The following AUH variants were observed in gnomAD, a reference collection of about 807,000 sequenced individuals.
The protein encoded by AUH is AU RNA binding methylglutaconyl-CoA hydratase, also known as methylglutaconyl-CoA hydratase, mitochondrial.
In AUH, 29 loss-of-function variants were observed where a neutral mutation model predicts 42.3. The observed-to-expected ratio is 0.69, with a 90% CI of 0.51 to 0.93. The LOEUF (loss-of-function observed/expected upper bound fraction) is 0.93. AUH is among the 40% of genes least tolerant of loss of function. The pLI is 0.00. For missense variants in AUH, 452 were observed against 438.1 expected (o/e 1.03, Z -0.28); for synonymous variants, 174 against 166.4 (o/e 1.05, Z -0.35).
chr9:91,248,831 GCAGTTTCCAAGAACCAATGATGATGTTA>G (rs1828945264), intron 6 of AUH, among the ~76,000 whole-genome samples: 1 of 152,146 alleles, frequency 6.6e-6, no homozygotes, highest in Non-Finnish European at 1.5e-5. Context: ...GTTTAAAGTT[GCAGTTTCCAAGAACCAATGATGATGTTA>G]AGCGAGGACT....
chr9:91,265,085 A>G (rs1313880443), intron 6 of AUH, among the ~76,000 whole-genome samples: 1 of 152,078 alleles, frequency 6.6e-6, no homozygotes, highest in Non-Finnish European at 1.5e-5. Context: ...ACACACCCAC[A>G]GTGACTCTTT....
chr9:91,315,175 G>A (rs950112406), intron 4 of AUH, among the ~76,000 whole-genome samples: 4 of 152,120 alleles, frequency 2.6e-5, no homozygotes, highest in African/African-American at 9.7e-5. Flanking sequence ...CTGACCTCAG[G>A]TGATCTGCCC....
chr9:91,230,842 G>A (rs929345536), intron 6 of AUH, among the ~76,000 whole-genome samples: 4 of 152,208 alleles, frequency 2.6e-5, no homozygotes, highest in Non-Finnish European at 4.4e-5. Context: ...CCCTGCTGGA[G>A]GGTGCCTCCC....
intron 5 of AUH, among the ~76,000 whole-genome samples, chr9:91,297,475 A>T (rs548495772): frequency 7.2e-5 from 11 of 152,366 alleles, no homozygotes; most frequent in African/African-American, 2.4e-4. Flanking sequence ...ATTAACATCC[A>T]CAGATTAATT....
In AUH at chr9:91,328,301, C is replaced by T. The variant is rs7048682; in HGVS notation, c.419-2897G>A. ...TAATACTGACATCTTAAAAAAAACT[C>T]ACATAGACTTCCACTGTTAGCTATG... is the stretch of plus-strand genomic sequence containing the variant. On this transcript the variant is annotated intron_variant, in intron 3 of 9. Transcript: ENST00000375731. 4.4e-3 allele frequency among the ~76,000 whole-genome samples: 670 copies of T among 152,286 alleles called. 3 individuals are homozygous for T. The highest frequency in any genetic ancestry group is 0.015 in the African/African-American group (631 of 41,556).
intron 6 of AUH, among the ~76,000 whole-genome samples, chr9:91,271,507 CA>C (rs1442552543): frequency 1.3e-5 from 2 of 152,116 alleles, no homozygotes; most frequent in African/African-American, 4.8e-5. Flanking sequence ...TTAATATTCA[CA>C]GTGACAAAAA....
intron 4 of AUH, among the ~76,000 whole-genome samples, chr9:91,312,947 A>C (rs767517446): frequency 6.6e-6 from 1 of 152,214 alleles, no homozygotes; most frequent in Non-Finnish European, 1.5e-5. Flanking sequence ...TCCATTCTAC[A>C]AAATAGAATA....
At chr9:91,250,211 C>T (rs558140361) in intron 6 of AUH, among the ~76,000 whole-genome samples, 56 of 152,278 alleles carry the variant, frequency 3.7e-4, no homozygotes, top group Non-Finnish European at 7.2e-4. Flanking sequence ...CAGCACATGG[C>T]AGCCCTCCCA....
At chr9:91,225,303 G>A (rs923441353) in intron 6 of AUH, among the ~76,000 whole-genome samples, 5 of 152,200 alleles carry the variant, frequency 3.3e-5, no homozygotes, top group African/African-American at 1.2e-4. Context: ...CCTGGCATCA[G>A]ACTGTAAGCT....
intron 3 of AUH, among the ~76,000 whole-genome samples, chr9:91,347,738 A>G (rs946573630): frequency 1.3e-5 from 2 of 152,166 alleles, no homozygotes; most frequent in African/African-American, 4.8e-5. Flanking sequence ...AAAAACTACA[A>G]AAGTATTAGA....
intron 3 of AUH, among the ~76,000 whole-genome samples, chr9:91,344,280 A>G (rs904379801): frequency 1.3e-5 from 2 of 152,226 alleles, no homozygotes; most frequent in African/African-American, 2.4e-5. Flanking sequence ...CCAATTGCCA[A>G]TCAGAACATC....
intron 6 of AUH, among the ~76,000 whole-genome samples, chr9:91,227,235 C>A (rs1215687220): frequency 6.7e-6 from 1 of 149,148 alleles, no homozygotes; most frequent in African/African-American, 2.4e-5. Flanking sequence ...CCTTGAGCAG[C>A]GGTTTGTAGT....
chr9:91,228,478 AT>A (rs1423035612), intron 6 of AUH, among the ~76,000 whole-genome samples: 1 of 147,340 alleles, frequency 6.8e-6, no homozygotes. Flanking sequence ...CGGTCTATCA[AT>A]TTTGTTGATC....
intron 6 of AUH, among the ~76,000 whole-genome samples, chr9:91,240,223 T>G (rs1828429862): frequency 6.6e-6 from 1 of 152,226 alleles, no homozygotes; most frequent in Non-Finnish European, 1.5e-5. Flanking sequence ...ATCTTTTATT[T>G]AAAGACTGCC....
intron 3 of AUH, among the ~76,000 whole-genome samples, chr9:91,353,572 G>A (rs1832159440): frequency 6.6e-6 from 1 of 151,902 alleles, no homozygotes; most frequent in Non-Finnish European, 1.5e-5. Context: ...TATTTCATAT[G>A]TACATGTTAA....
rs775229436 is a variant in AUH at position 91,313,711 on chromosome 9, C to CAA, written c.505+11605_505+11606dup. Among the ~76,000 whole-genome samples, 301 of 68,476 alleles carry CAA rather than the reference C, an allele frequency of 4.4e-3. 9 individuals are homozygous for CAA. Among genetic ancestry groups the CAA allele is most frequent in the Middle Eastern group, 0.016 (2 of 122 alleles). 44.9% of individuals were successfully genotyped at this position (68,476 alleles called of 152,430 possible). A position where few individuals can be genotyped will look rare whatever the true frequency, so the allele number is the denominator to read the frequency against. Reference sequence around the variant, plus strand: ...TGGGCGACAAAGCGAGACTCCGTCTCAAAAAAAAAAAAAAAAAAAAGAAAA... The same window carrying CAA: ...TGGGCGACAAAGCGAGACTCCGTCTCAAAAAAAAAAAAAAAAAAAAAAGAAAA... On this transcript the variant is annotated intron_variant, in intron 4 of 9. Transcript: ENST00000375731.
chr9:91,313,861 C>T (rs1828926604), intron 4 of AUH, among the ~76,000 whole-genome samples: 1 of 142,466 alleles, frequency 7.0e-6, no homozygotes, highest in Admixed American at 7.1e-5. Flanking sequence ...TCACTCTTGT[C>T]GCCCAGGCTG....
rs371967608 is a variant in AUH at position 91,218,926 on chromosome 9, C to G, written c.844-1599G>C. On this transcript the variant is annotated intron_variant, in intron 7 of 9. Transcript: ENST00000375731. ...ATTTTCTGAAGTAACTCAACATCTTCTTATACATCAACATCTTCTTATTTG... is the reference window on the plus strand; with the variant it reads ...ATTTTCTGAAGTAACTCAACATCTTGTTATACATCAACATCTTCTTATTTG... The G allele has an allele frequency of 3.7e-4, 363 of 985,314 alleles. No individual in the cohort carries two copies. The African/African-American group carries it at 6.1e-3, about 16-fold the overall frequency. 61.0% of individuals were successfully genotyped at this position (985,314 alleles called of 1,614,324 possible).
At chr9:91,231,135 G>T (rs950224067) in intron 6 of AUH, among the ~76,000 whole-genome samples, 1 of 152,208 alleles carries the variant, frequency 6.6e-6, no homozygotes, top group Non-Finnish European at 1.5e-5. Flanking sequence ...AATGGTGGGT[G>T]CCCCTCCCCC....
Sources: allele counts gnomAD v4.1 joint callset (sites outside exome capture counted in the v4.1 genomes callset), GRCh38; gene constraint gnomAD v4.1.1; transcripts MANE v1.5; gene names NCBI Gene and HGNC (gene_info 2026-07-23, HGNC 2026-07-21).